SAMMSON: variants seen among roughly 807,000 people sequenced by gnomAD.
SAMMSON encodes the protein survival associated mitochondrial melanoma specific oncogenic non-coding RNA.
At chr3:70,032,419 C>T (rs984346218) in intron 3 of SAMMSON, among the ~76,000 whole-genome samples, 3 of 152,040 alleles carry the variant, frequency 2.0e-5, no homozygotes, top group African/African-American at 4.8e-5. Flanking sequence ...TGTATTGAAC[C>T]GTGAATTTTA....
At chr3:70,158,026 GT>G (rs1301136774) in intron 4 of SAMMSON, among the ~76,000 whole-genome samples, 7 of 152,054 alleles carry the variant, frequency 4.6e-5, no homozygotes, top group African/African-American at 1.7e-4. Flanking sequence ...AGCTTTGGAT[GT>G]TTTTAATAAT....
At chr3:70,151,678 A>G (rs2067572422) in intron 4 of SAMMSON, among the ~76,000 whole-genome samples, 1 of 152,074 alleles carries the variant, frequency 6.6e-6, no homozygotes, top group Non-Finnish European at 1.5e-5. Flanking sequence ...TCAAAATACA[A>G]TATTCAAATA....
At chr3:70,304,118 G>A (rs563841230) in intron 7 of SAMMSON, among the ~76,000 whole-genome samples, 2 of 152,152 alleles carry the variant, frequency 1.3e-5, no homozygotes, top group East Asian at 1.9e-4. Flanking sequence ...AGGCTCTAGG[G>A]CCTGCTTCCA....
At chr3:70,245,810 T>C (rs1379738818) in intron 4 of SAMMSON, among the ~76,000 whole-genome samples, 2 of 150,128 alleles carry the variant, frequency 1.3e-5, no homozygotes, top group Non-Finnish European at 3.0e-5. Context: ...GTGCTCTTCC[T>C]GTCACCATCC....
At chr3:70,024,581 C>T (rs770036126) in intron 3 of SAMMSON, among the ~76,000 whole-genome samples, 13 of 152,182 alleles carry the variant, frequency 8.5e-5, no homozygotes, top group Non-Finnish European at 1.9e-4. Context: ...TGCTCTGCTG[C>T]CTCCCAGCTG....
chr3:70,374,809 T>C (rs1036068561), intron 9 of SAMMSON, among the ~76,000 whole-genome samples: 1 of 152,220 alleles, frequency 6.6e-6, no homozygotes, highest in Admixed American at 6.5e-5. Flanking sequence ...GCCACACTTT[T>C]TTCCTGTGGT....
intron 3 of SAMMSON, among the ~76,000 whole-genome samples, chr3:70,044,975 A>G (rs1019515071): frequency 5.8e-5 from 8 of 137,684 alleles, no homozygotes; most frequent in Admixed American, 7.8e-5. Context: ...AGTATTACAT[A>G]AAGTAAAATA....
At chr3:70,240,630 G>A (rs1489235149) in intron 4 of SAMMSON, among the ~76,000 whole-genome samples, 1 of 151,994 alleles carries the variant, frequency 6.6e-6, no homozygotes, top group African/African-American at 2.4e-5. Context: ...TTCCTTCAGC[G>A]TCAATTATAA....
chr3:70,001,177 G>C (rs1255560672), intron 1 of SAMMSON, among the ~76,000 whole-genome samples: 1 of 151,924 alleles, frequency 6.6e-6, no homozygotes, highest in African/African-American at 2.4e-5. Flanking sequence ...AAAATATGTT[G>C]TCTTTATGAA....
intron 4 of SAMMSON, chr3:70,172,327 C>CT (rs1700965804): frequency 1.4e-5 from 2 of 147,060 alleles, no homozygotes; most frequent in African/African-American, 5.0e-5. Context: ...ATGGGGTACT[C>CT]TCTGCGTCAT....
chr3:70,258,238 A>G (rs1240489139), intron 6 of SAMMSON, among the ~76,000 whole-genome samples: 1 of 152,168 alleles, frequency 6.6e-6, no homozygotes, highest in African/African-American at 2.4e-5. Flanking sequence ...GGTGGGCAAC[A>G]ATTTCTTAGA....
chr3:70,262,185 A>G (rs78608033), intron 6 of SAMMSON, among the ~76,000 whole-genome samples: 12,196 of 152,238 alleles, frequency 0.08, 784 homozygotes, highest in East Asian at 0.35. Context: ...TCAAATAAAG[A>G]TGAAAGAACA....
intron 6 of SAMMSON, among the ~76,000 whole-genome samples, chr3:70,280,770 T>C (rs557626868): frequency 6.6e-6 from 1 of 152,012 alleles, no homozygotes; most frequent in Admixed American, 6.6e-5. Flanking sequence ...AACCCGGCCA[T>C]AGAGACATGA....
intron 4 of SAMMSON, among the ~76,000 whole-genome samples, chr3:70,226,253 A>T (rs1024657110): frequency 1.3e-5 from 2 of 152,196 alleles, no homozygotes; most frequent in Non-Finnish European, 2.9e-5. Context: ...GATGAGTAAG[A>T]CCTGGCCTCT....
At chr3:70,369,407 A>T in intron 9 of SAMMSON, among the ~76,000 whole-genome samples, 1 of 151,784 alleles carries the variant, frequency 6.6e-6, no homozygotes. Flanking sequence ...AAATTCTCTC[A>T]AAATGCTTGT....
At chr3:70,276,998 C>G (rs749846205) in intron 6 of SAMMSON, among the ~76,000 whole-genome samples, 1 of 151,956 alleles carries the variant, frequency 6.6e-6, no homozygotes, top group Admixed American at 6.6e-5. Context: ...TTAAGGAACT[C>G]TTCACACACA....
At chr3:70,163,362 G>T (rs201755549) in intron 4 of SAMMSON, among the ~76,000 whole-genome samples, 19,100 of 147,206 alleles carry the variant, frequency 0.13, 1,296 homozygotes, top group East Asian at 0.19. Flanking sequence ...TATAGAGAGA[G>T]AGAGAGAGAG....
intron 7 of SAMMSON, among the ~76,000 whole-genome samples, chr3:70,305,992 T>C (rs1233851512): frequency 3.3e-5 from 5 of 152,204 alleles, no homozygotes; most frequent in Non-Finnish European, 7.3e-5. Context: ...CTGATAACCA[T>C]GATAACCAGT....
At chr3:70,130,408 C>A (rs1024972980) in intron 4 of SAMMSON, among the ~76,000 whole-genome samples, 1 of 152,162 alleles carries the variant, frequency 6.6e-6, no homozygotes, top group African/African-American at 2.4e-5. Flanking sequence ...CAGAAGCAAA[C>A]TGTGGCAGAT....
Sources: allele counts gnomAD v4.1 joint callset (sites outside exome capture counted in the v4.1 genomes callset), GRCh38; gene constraint gnomAD v4.1.1; transcripts MANE v1.5; gene names NCBI Gene and HGNC (gene_info 2026-07-23, HGNC 2026-07-21).